The following CLVS1 variants were observed in gnomAD, a reference collection of about 807,000 sequenced individuals.
The protein encoded by CLVS1 is clavesin-1.
In CLVS1, 10 loss-of-function variants were observed where a neutral mutation model predicts 33.1. The observed-to-expected ratio is 0.30, with a 90% confidence interval of 0.19 to 0.51. The LOEUF (loss-of-function observed/expected upper bound fraction) is 0.51. Among genes scored for constraint, CLVS1 ranks in the 20% least tolerant of loss-of-function variants. CLVS1 has a pLI of 0.97. For missense variants in CLVS1, 343 were observed against 433.4 expected, an observed-to-expected ratio of 0.79 and a Z score of 1.85; for synonymous variants, 163 against 166.1, an observed-to-expected ratio of 0.98 and a Z score of 0.14.
At chr8:61,288,263 C>T in intron 1 of CLVS1, 125 bp downstream of exon 1, 1 of 456,612 alleles carries the variant, frequency 2.2e-6, no homozygotes, top group Non-Finnish European at 4.4e-6. Context: ...TCTGCAATCC[C>T]TCTGCACTCC....
chr8:61,379,215 G>A (rs1457277520), intron 3 of CLVS1, among the ~76,000 whole-genome samples: 1 of 152,184 alleles, frequency 6.6e-6, no homozygotes, highest in Non-Finnish European at 1.5e-5. Flanking sequence ...TCTAGAGTAG[G>A]TGTGAGAAAG....
At chr8:60,981,301 T>G in the CLVS1 span, among the ~76,000 whole-genome samples, 1 of 152,206 alleles carries the variant, frequency 6.6e-6, no homozygotes, top group South Asian at 2.1e-4. Flanking sequence ...CCAAATATAT[T>G]GAAATACAGA....
At chr8:61,359,475 C>T (rs1265727330) in intron 2 of CLVS1, among the ~76,000 whole-genome samples, 1 of 152,124 alleles carries the variant, frequency 6.6e-6, no homozygotes. Context: ...CCTGCCTCAG[C>T]CTCCTGAGAA....
At chr8:61,032,992 G>GGAAAGAAAGAAA in the CLVS1 span, among the ~76,000 whole-genome samples, 5 of 44,830 alleles carry the variant, frequency 1.1e-4, no homozygotes, top group East Asian at 2.0e-3. Flanking sequence ...AAGGAAGGAA[G>GGAAAGAAAGAAA]GAAAGAAAGA....
At chr8:61,037,666 A>T in the CLVS1 span, among the ~76,000 whole-genome samples, 1 of 152,254 alleles carries the variant, frequency 6.6e-6, no homozygotes, top group East Asian at 1.9e-4. Context: ...CTTGCTTAAC[A>T]GTAGGTAACA....
At chr8:61,144,164 T>C (rs182224580) in intron 2 of CLVS1, among the ~76,000 whole-genome samples, 1 of 152,168 alleles carries the variant, frequency 6.6e-6, no homozygotes, top group East Asian at 1.9e-4. Flanking sequence ...ACCCATCACC[T>C]ACCTTAGGTA....
At chr8:61,391,491 A>G (rs755880301) in intron 3 of CLVS1, among the ~76,000 whole-genome samples, 28 of 152,210 alleles carry the variant, frequency 1.8e-4, no homozygotes, top group Non-Finnish European at 3.2e-4. Flanking sequence ...AGTTTGGAAA[A>G]TACCTTTACT....
the CLVS1 span, among the ~76,000 whole-genome samples, chr8:61,046,993 C>A: frequency 6.6e-6 from 1 of 152,230 alleles, no homozygotes; most frequent in Non-Finnish European, 1.5e-5. Flanking sequence ...CCTTCTCCTG[C>A]CTAATTGCCC....
At chr8:61,338,847 GGGAGGTCCTT>G (rs1563503441) in intron 2 of CLVS1, among the ~76,000 whole-genome samples, 1 of 152,156 alleles carries the variant, frequency 6.6e-6, no homozygotes, top group Non-Finnish European at 1.5e-5. Flanking sequence ...CTCTGCCCCA[GGGAGGTCCTT>G]CCTTGCTTGC....
chr8:61,384,519 G>A (rs1814007369), intron 3 of CLVS1, among the ~76,000 whole-genome samples: 1 of 152,176 alleles, frequency 6.6e-6, no homozygotes, highest in African/African-American at 2.4e-5. Context: ...AAGTGGTGGA[G>A]GAGGAGTTAA....
intron 1 of CLVS1, among the ~76,000 whole-genome samples, chr8:61,118,229 C>G (rs894423501): frequency 6.0e-5 from 9 of 151,218 alleles, no homozygotes; most frequent in Non-Finnish European, 1.0e-4. Context: ...TCCCCTTTAT[C>G]ATTTTTTATT....
At chr8:61,089,540 T>C (rs1423940275) in intron 1 of CLVS1, among the ~76,000 whole-genome samples, 1 of 152,202 alleles carries the variant, frequency 6.6e-6, no homozygotes, top group African/African-American at 2.4e-5. Context: ...TGATTACTGC[T>C]TCTTTAGTGT....
intron 3 of CLVS1, among the ~76,000 whole-genome samples, chr8:61,449,772 A>G (rs1563557854): frequency 6.6e-6 from 1 of 151,782 alleles, no homozygotes; most frequent in Non-Finnish European, 1.5e-5. Context: ...ATTCTGGGAA[A>G]CTCTCTATTG....
intron 2 of CLVS1, among the ~76,000 whole-genome samples, chr8:61,187,283 A>G (rs6471936): frequency 0.6 from 90,642 of 151,872 alleles, 30,085 homozygotes; most frequent in Middle Eastern, 0.82. Flanking sequence ...TAGATATCCC[A>G]TATTTATTAT....
intron 2 of CLVS1, among the ~76,000 whole-genome samples, chr8:61,166,982 T>G (rs1806879728): frequency 6.6e-6 from 1 of 150,796 alleles, no homozygotes; most frequent in African/African-American, 2.4e-5. Flanking sequence ...ATTAATAAAT[T>G]TATTAATTTA....
At chr8:61,381,906 G>T (rs1276210141) in intron 3 of CLVS1, among the ~76,000 whole-genome samples, 1 of 152,158 alleles carries the variant, frequency 6.6e-6, no homozygotes, top group Non-Finnish European at 1.5e-5. Context: ...ACATATGCAT[G>T]CATGTGCCTT....
chr8:61,459,216 G>C (rs1817271520), intron 5 of CLVS1, among the ~76,000 whole-genome samples: 1 of 152,048 alleles, frequency 6.6e-6, no homozygotes. Flanking sequence ...ATGAAATAAA[G>C]CTCCAAAAAC....
At chr8:61,265,493 A>G (rs1488658601) in intron 2 of CLVS1, among the ~76,000 whole-genome samples, 2 of 152,210 alleles carry the variant, frequency 1.3e-5, no homozygotes, top group Non-Finnish European at 2.9e-5. Flanking sequence ...TTTAAATGTA[A>G]AGCACTCAAT....
chr8:61,235,276 A>T (rs1177614272), intron 2 of CLVS1, among the ~76,000 whole-genome samples: 7 of 152,162 alleles, frequency 4.6e-5, no homozygotes, highest in Non-Finnish European at 8.8e-5. Flanking sequence ...CAGAGAAAGT[A>T]CCCATGCCTG....
Sources: allele counts gnomAD v4.1 joint callset (sites outside exome capture counted in the v4.1 genomes callset), GRCh38; gene constraint gnomAD v4.1.1; transcripts MANE v1.5; gene names NCBI Gene and HGNC (gene_info 2026-07-23, HGNC 2026-07-21).